The following DHX35 variants were observed in gnomAD, a reference collection of about 807,000 sequenced individuals.
DHX35 encodes the protein probable ATP-dependent RNA helicase DHX35.
A neutral mutation model predicts 99.6 loss-of-function variants in DHX35; 84 were observed. That is an observed-to-expected ratio of 0.84 (90% CI 0.71 to 1.01). DHX35 has a LOEUF of 1.01. Ranked by LOEUF, DHX35 falls within the 50% of genes least tolerant of loss-of-function variation. The pLI is 0.00. For missense variants in DHX35, 852 were observed against 888.5 expected (o/e 0.96, Z 0.52); for synonymous variants, 331 against 316.2 (o/e 1.05, Z -0.50).
intron 8 of DHX35, 30 bp from the exon 9 acceptor site, chr20:39,001,700 G>T (rs1005239701): frequency 1.7e-5 from 27 of 1,544,676 alleles, no homozygotes; most frequent in Non-Finnish European, 2.4e-5. Flanking sequence ...TTTTCTAAGA[G>T]AAATGAAGAA....
chr20:39,006,300 A>T lies in DHX35; in HGVS notation c.1166A>T (p.Gln389Leu). 6.2e-7 allele frequency: 1 copy of T among 1,614,174 alleles called. No individual in the cohort carries two copies. The highest frequency in any genetic ancestry group is 8.5e-7 in the Non-Finnish European group (1 of 1,180,032). ...VVPVSQASANQRAGRGGRSRS... is the reference protein window; with the variant it reads ...VVPVSQASANLRAGRGGRSRS... ...CCAGTCTCCCAGGCATCAGCTAATCAGCGAGCAGGACGTGGTGGTCGTAGT... is the reference window on the plus strand; with the variant it reads ...CCAGTCTCCCAGGCATCAGCTAATCTGCGAGCAGGACGTGGTGGTCGTAGT... The change falls in exon 12 of 22, where the codon CAG becomes CTG. Residue 389 changes from glutamine (Q) to leucine (L), a missense_variant. Gln to Leu is a moderately radical substitution (Grantham distance 113). Transcript: ENST00000252011.
Position 39,038,872 on chromosome 20 carries a change from G to A in DHX35, c.*329G>A. 1 of 377,556 alleles carries A rather than the reference G, an allele frequency of 2.6e-6. No individual in the cohort carries two copies. The highest frequency in any genetic ancestry group is 4.9e-6 in the Non-Finnish European group (1 of 205,600). The allele number at this position is 377,556 out of a possible 1,614,324, so 23.4% of individuals were successfully genotyped here. On this transcript the variant is annotated 3_prime_UTR_variant, in exon 22 of 22. Transcript: ENST00000252011. Reference sequence around the variant, plus strand: ...GGCCCAGCTCTATGGGAAACAAGGAGGAAAGTTAGCCACTGAAGGCCAAAA... The same window carrying A: ...GGCCCAGCTCTATGGGAAACAAGGAAGAAAGTTAGCCACTGAAGGCCAAAA...
chr20:39,000,563 A>G (rs1020058146), intron 8 of DHX35, among the ~76,000 whole-genome samples: 2 of 152,102 alleles, frequency 1.3e-5, no homozygotes, highest in Admixed American at 1.3e-4. Context: ...ATTCTTCTCA[A>G]TTTTGAGGTT....
intron 12 of DHX35, among the ~76,000 whole-genome samples, chr20:39,006,607 G>C (rs1052767953): frequency 3.3e-5 from 5 of 152,156 alleles, no homozygotes; most frequent in African/African-American, 1.2e-4. Context: ...CTAACATCTG[G>C]GCACAGGCCT....
At chr20:38,972,019 T>G (rs1413585973) in intron 2 of DHX35, among the ~76,000 whole-genome samples, 2 of 144,218 alleles carry the variant, frequency 1.4e-5, no homozygotes, top group African/African-American at 5.1e-5. Flanking sequence ...TTTTTTTTTT[T>G]TTTTTTTGAG....
At chr20:39,001,384 G>A (rs1221578860) in intron 8 of DHX35, among the ~76,000 whole-genome samples, 1 of 152,130 alleles carries the variant, frequency 6.6e-6, no homozygotes, top group Non-Finnish European at 1.5e-5. Context: ...TCACACCTTT[G>A]ACCTAATTTT....
chr20:38,994,025 G>A (rs1036672438), intron 7 of DHX35, among the ~76,000 whole-genome samples: 5 of 152,168 alleles, frequency 3.3e-5, no homozygotes, highest in Non-Finnish European at 7.3e-5. Flanking sequence ...TCTTTGCACA[G>A]TGGGTACACT....
rs2086717453 is a variant in DHX35 at position 39,012,383 on chromosome 20, G to A, written c.1347+1979G>A. ...CAAAAAATATGAAGAGTTTTTATAT[G>A]CACATCATTTACAGTAAATATTCAC... On this transcript the variant is annotated intron_variant, in intron 13 of 21. Transcript: ENST00000252011. 2.0e-5 allele frequency among the ~76,000 whole-genome samples: 3 copies of A among 152,226 alleles called. No homozygotes were observed. The South Asian group carries it at 6.2e-4, about 32-fold the overall frequency.
At chr20:38,973,706 A>C (rs192977624) in intron 3 of DHX35, among the ~76,000 whole-genome samples, 6 of 152,354 alleles carry the variant, frequency 3.9e-5, no homozygotes, top group African/African-American at 1.4e-4. Context: ...TGCCAGATGC[A>C]GCCCGCTGCC....
Position 38,966,512 on chromosome 20 carries a change from A to G in DHX35, c.41-2569A>G, listed in dbSNP as rs539221985. ...TGGTGTGACCCTGTCTCTACTAAAA[A>G]TACAAAATGAGCTGGGTGCGGTGGT... On this transcript the variant is annotated intron_variant, in intron 1 of 21. Coordinates refer to ENST00000252011, the MANE Select transcript of DHX35 (RefSeq NM_021931.4). Among the ~76,000 whole-genome samples, 9 of 152,344 alleles carry G rather than the reference A, an allele frequency of 5.9e-5. No individual in the cohort carries two copies. The South Asian group carries it at 1.9e-3, about 32-fold the overall frequency.
At chr20:38,983,642 G>A in intron 3 of DHX35, 57 bp from the exon 4 acceptor site, 5 of 1,414,588 alleles carry the variant, frequency 3.5e-6, no homozygotes, top group South Asian at 3.5e-5. Flanking sequence ...CATCTTGGGG[G>A]AGATTGCTCT....
At chr20:39,030,104 G>A (rs374065803) in intron 19 of DHX35, 2 of 151,584 alleles carry the variant, frequency 1.3e-5, no homozygotes, top group Non-Finnish European at 2.9e-5. Flanking sequence ...CTCAGCCTCC[G>A]GAGTAGCTGG....
intron 16 of DHX35, among the ~76,000 whole-genome samples, chr20:39,023,385 T>G (rs913998315): frequency 6.6e-6 from 1 of 152,254 alleles, no homozygotes; most frequent in East Asian, 1.9e-4. Context: ...TTTTTCTTTT[T>G]TGAGACAGGG....
intron 3 of DHX35, among the ~76,000 whole-genome samples, chr20:38,976,435 A>G (rs1223287938): frequency 1.0e-5 from 1 of 99,454 alleles, no homozygotes; most frequent in Admixed American, 1.0e-4. Flanking sequence ...TTTTTTTTTT[A>G]CTTATTCTTT....
chr20:39,019,448 T>C (rs1041861522), intron 15 of DHX35, among the ~76,000 whole-genome samples: 26 of 152,256 alleles, frequency 1.7e-4, no homozygotes, highest in Admixed American at 1.2e-3. Context: ...CTTTTGGCTA[T>C]TGTGAATAAT....
intron 3 of DHX35, among the ~76,000 whole-genome samples, chr20:38,981,420 AT>A (rs956198561): frequency 1.4e-4 from 22 of 151,904 alleles, no homozygotes; most frequent in Non-Finnish European, 2.4e-4. Context: ...ATAGATACTT[AT>A]TTTTTTCTAT....
At chr20:39,004,284 C>A (rs1246962842) in intron 11 of DHX35, among the ~76,000 whole-genome samples, 1 of 152,106 alleles carries the variant, frequency 6.6e-6, no homozygotes, top group African/African-American at 2.4e-5. Context: ...CCAGGATGGT[C>A]TCGATCTCCT....
At chr20:38,996,764 G>A (rs2086436161) in intron 8 of DHX35, among the ~76,000 whole-genome samples, 1 of 152,118 alleles carries the variant, frequency 6.6e-6, no homozygotes, top group Non-Finnish European at 1.5e-5. Flanking sequence ...TCCACAGGCT[G>A]TAGGAGTCTG....
intron 15 of DHX35, 32 bp downstream of exon 15, chr20:39,018,931 T>C (rs1305103531): frequency 1.9e-6 from 3 of 1,607,872 alleles, no homozygotes; most frequent in Non-Finnish European, 2.6e-6. Flanking sequence ...GAATTGATTT[T>C]ATTTTGACTG....
Sources: allele counts gnomAD v4.1 joint callset (sites outside exome capture counted in the v4.1 genomes callset), GRCh38; gene constraint gnomAD v4.1.1; transcripts MANE v1.5; gene names NCBI Gene and HGNC (gene_info 2026-07-23, HGNC 2026-07-21).